TGFA: variants seen among roughly 807,000 people sequenced by gnomAD.
TGFA encodes transforming growth factor alpha, also known as protransforming growth factor alpha.
A neutral mutation model predicts 21.7 loss-of-function variants in TGFA; 12 were observed. The observed-to-expected ratio is 0.55, with a 90% CI of 0.35 to 0.90. The LOEUF (loss-of-function observed/expected upper bound fraction) is 0.90, where lower values mean the gene tolerates loss of function less well. TGFA is among the 40% of genes least tolerant of loss of function. TGFA has a pLI of 0.01. For missense variants in TGFA, 178 were observed against 210.8 expected (o/e 0.84, Z 0.96); for synonymous variants, 79 against 88.1 (o/e 0.90, Z 0.58).
At chr2:70,470,104 G>A (rs1305516135) in intron 2 of TGFA, among the ~76,000 whole-genome samples, 1 of 151,988 alleles carries the variant, frequency 6.6e-6, no homozygotes, top group East Asian at 1.9e-4. Flanking sequence ...GAAGGAGACA[G>A]GAAGGGAGAC....
At chr2:70,476,666 C>T (rs1235699768) in intron 2 of TGFA, among the ~76,000 whole-genome samples, 1 of 152,192 alleles carries the variant, frequency 6.6e-6, no homozygotes, top group East Asian at 1.9e-4. Flanking sequence ...CATTTTATGT[C>T]CTCAGAACTT....
At chr2:70,525,757 T>G (rs1261746695) in intron 1 of TGFA, among the ~76,000 whole-genome samples, 2 of 152,130 alleles carry the variant, frequency 1.3e-5, no homozygotes, top group Non-Finnish European at 2.9e-5. Context: ...GACCACCCGC[T>G]AGCCCAGGGG....
At chr2:70,536,300 T>C (rs1553504373) in intron 1 of TGFA, among the ~76,000 whole-genome samples, 1 of 152,204 alleles carries the variant, frequency 6.6e-6, no homozygotes. Flanking sequence ...TCCACTATTA[T>C]GGGTAGTGAC....
intron 2 of TGFA, among the ~76,000 whole-genome samples, chr2:70,476,844 A>G (rs552324917): frequency 2.8e-4 from 42 of 152,376 alleles, no homozygotes; most frequent in African/African-American, 1.0e-3. Context: ...ATGTCCCATG[A>G]CAAAGATGTG....
In TGFA at chr2:70,496,333, C is replaced by T. The variant is rs565146528; in HGVS notation, c.94+18526G>A. Among the ~76,000 whole-genome samples the T allele has an allele frequency of 6.0e-4, 91 of 152,168 alleles. 1 individual carries two copies. The highest frequency in any genetic ancestry group is 1.1e-3 in the Non-Finnish European group (78 of 68,030). Reference sequence around the variant, plus strand: ...CAGCTCCCTCCAAAATATGCTTCTACCAGAACCCTTTCTTGTTACCACCAA... The same window carrying T: ...CAGCTCCCTCCAAAATATGCTTCTATCAGAACCCTTTCTTGTTACCACCAA... On this transcript the variant is annotated intron_variant, in intron 2 of 5. Coordinates refer to ENST00000295400, the MANE Select transcript of TGFA (RefSeq NM_003236.4).
chr2:70,546,125 TA>T (rs1673294478), intron 1 of TGFA, among the ~76,000 whole-genome samples: 2 of 152,188 alleles, frequency 1.3e-5, no homozygotes, highest in Non-Finnish European at 1.5e-5. Flanking sequence ...AAATTTATTC[TA>T]AATATTACAG....
rs11466294 is a variant in TGFA at position 70,448,879 on chromosome 2, C to T, written c.*1980G>A. 2.0e-5 allele frequency: 3 copies of T among 152,340 alleles called. No individual in the cohort carries two copies. The highest frequency in any genetic ancestry group is 6.5e-5 in the Admixed American group (1 of 15,300). 9.4% of individuals were successfully genotyped at this position (152,340 alleles called of 1,614,324 possible). A position where few individuals can be genotyped will look rare whatever the true frequency, so the allele number is the denominator to read the frequency against. On this transcript the variant is annotated 3_prime_UTR_variant, in exon 6 of 6. Coordinates refer to ENST00000295400, the MANE Select transcript of TGFA (RefSeq NM_003236.4). Reference sequence around the variant, plus strand: ...AGTCTTCGCAGGGAACCTCTGCTTCCGCCATCTGTCCAGCCTCATTCCTAC... The same window carrying T: ...AGTCTTCGCAGGGAACCTCTGCTTCTGCCATCTGTCCAGCCTCATTCCTAC...
At chr2:70,525,667 T>G (rs1672611922) in intron 1 of TGFA, among the ~76,000 whole-genome samples, 1 of 152,056 alleles carries the variant, frequency 6.6e-6, no homozygotes, top group Non-Finnish European at 1.5e-5. Context: ...GGGCAACAAG[T>G]GCAGGCTCCA....
intron 4 of TGFA, 126 bp from the exon 5 acceptor site, chr2:70,453,453 GGGGGC>G: frequency 1.3e-6 from 1 of 745,152 alleles, no homozygotes; most frequent in East Asian, 2.6e-5. Context: ...AGCTCCCCAT[GGGGGC>G]TTCTAGAGGG....
intron 1 of TGFA, among the ~76,000 whole-genome samples, chr2:70,545,148 C>T (rs1330454111): frequency 3.3e-5 from 5 of 151,750 alleles, no homozygotes; most frequent in African/African-American, 4.8e-5. Flanking sequence ...TATATACCTA[C>T]TATGTACCCA....
chr2:70,465,619 C>T lies in TGFA; in HGVS notation c.212G>A (p.Cys71Tyr). The change falls in exon 3 of 6, where the codon TGT becomes TAT. Residue 71 changes from cysteine (C) to tyrosine (Y), a missense_variant. Cys to Tyr is a radical substitution (Grantham distance 194). Coordinates refer to ENST00000295400, the MANE Select transcript of TGFA (RefSeq NM_003236.4). ...RFLVQEDKPA[C>Y]VCHSGYVGAR... Reference sequence around the variant, plus strand: ...CAGGAGAACAGGGGATACTTACACACATGCTGGCTTGTCCTCCTGCACCAA... The same window carrying T: ...CAGGAGAACAGGGGATACTTACACATATGCTGGCTTGTCCTCCTGCACCAA... 1 of 1,614,198 alleles carries T rather than the reference C, an allele frequency of 6.2e-7. No individual in the cohort carries two copies. The highest frequency in any genetic ancestry group is 8.5e-7 in the Non-Finnish European group (1 of 1,180,020).
At chr2:70,547,740 TTATATA>T (rs1412147328) in intron 1 of TGFA, among the ~76,000 whole-genome samples, 2 of 142,144 alleles carry the variant, frequency 1.4e-5, no homozygotes, top group East Asian at 4.3e-4. Context: ...TACTACTATA[TTATATA>T]TATAGATAGT....
At chr2:70,517,329 G>C (rs1672314577) in intron 1 of TGFA, among the ~76,000 whole-genome samples, 1 of 152,196 alleles carries the variant, frequency 6.6e-6, no homozygotes, top group Non-Finnish European at 1.5e-5. Flanking sequence ...TCCATGCCTA[G>C]CATCAGCTGA....
In TGFA at chr2:70,544,705, A is replaced by C. The variant is rs1013747948; in HGVS notation, c.40+9023T>G. On this transcript the variant is annotated intron_variant, in intron 1 of 5. Transcript: ENST00000295400. The stretch of plus-strand genomic sequence containing the variant: ...GGCAAAAATACCAAATAATGGAACC[A>C]AACTGATATTCCATAAACAGATTCC... Among the ~76,000 whole-genome samples the C allele has an allele frequency of 9.2e-5, 14 of 152,354 alleles. No homozygotes were observed. In the South Asian group the frequency reaches 1.9e-3, roughly 20 times the overall value.
chr2:70,502,644 T>C (rs1467972166), intron 2 of TGFA, among the ~76,000 whole-genome samples: 1 of 152,208 alleles, frequency 6.6e-6, no homozygotes, highest in East Asian at 1.9e-4. Flanking sequence ...GTGTCAAAAA[T>C]AACTCCTTAG....
intron 1 of TGFA, among the ~76,000 whole-genome samples, chr2:70,528,368 G>T (rs150841149): frequency 4.6e-5 from 7 of 152,258 alleles, no homozygotes; most frequent in Middle Eastern, 3.4e-3. Flanking sequence ...AGCTGATCTC[G>T]CCGGGCTGGG....
intron 2 of TGFA, among the ~76,000 whole-genome samples, chr2:70,474,969 CGTGTGTGTGTGTGTGTGT>C (rs57147767): frequency 6.1e-5 from 9 of 147,592 alleles, no homozygotes; most frequent in African/African-American, 1.3e-4. Flanking sequence ...ACACAGCAGC[CGTGTGTGTGTGTGTGTGT>C]GTGTGTGTGT....
At chr2:70,492,811 A>G (rs1157790928) in intron 2 of TGFA, among the ~76,000 whole-genome samples, 1 of 152,160 alleles carries the variant, frequency 6.6e-6, no homozygotes, top group Admixed American at 6.5e-5. Flanking sequence ...TTTCTTAATC[A>G]CCAATTGTGC....
intron 3 of TGFA, among the ~76,000 whole-genome samples, chr2:70,463,978 T>A (rs146106917): frequency 6.7e-4 from 102 of 152,084 alleles, no homozygotes; most frequent in African/African-American, 2.2e-3. Flanking sequence ...TCTGGAGGAG[T>A]TTCTTAGCCC....
Sources: gnomAD v4.1 joint callset for allele counts (sites outside exome capture counted in the v4.1 genomes callset) on GRCh38, gnomAD v4.1.1 for gene constraint, MANE v1.5 for transcripts, NCBI Gene and HGNC (gene_info 2026-07-23, HGNC 2026-07-21) for gene names.